The following FRMD4A variants were observed in gnomAD, a reference collection of about 807,000 sequenced individuals.
The protein encoded by FRMD4A is FERM domain-containing protein 4A.
A neutral mutation model predicts 129.1 loss-of-function variants in FRMD4A; 29 were observed. That is an observed-to-expected ratio of 0.22 (90% confidence interval 0.17 to 0.31). The LOEUF is 0.31. Ranked by LOEUF, FRMD4A falls within the 10% of genes least tolerant of loss-of-function variation. FRMD4A has a pLI of 1.00. For missense variants in FRMD4A, 1,272 were observed against 1,375.8 expected (o/e 0.92, Z 1.19); for synonymous variants, 634 against 571.6 (o/e 1.11, Z -1.56).
intron 12 of FRMD4A, among the ~76,000 whole-genome samples, chr10:13,733,140 T>C (rs2090423051): frequency 6.6e-6 from 1 of 152,246 alleles, no homozygotes; most frequent in South Asian, 2.1e-4. Flanking sequence ...TGTGTGCATC[T>C]TTTCAGATTC....
intron 2 of FRMD4A, among the ~76,000 whole-genome samples, chr10:14,226,939 C>T (rs1843458515): frequency 6.6e-6 from 1 of 152,118 alleles, no homozygotes; most frequent in African/African-American, 2.4e-5. Context: ...CTGACATTGC[C>T]CTTAAAGTAC....
intron 2 of FRMD4A, among the ~76,000 whole-genome samples, chr10:14,104,419 C>T (rs1048442811): frequency 1.1e-4 from 17 of 152,350 alleles, no homozygotes; most frequent in African/African-American, 3.4e-4. Flanking sequence ...TCAGTCTCTG[C>T]GCATATAATT....
At chr10:13,863,427 CA>C (rs34102644) in intron 2 of FRMD4A, among the ~76,000 whole-genome samples, 102,345 of 147,240 alleles carry the variant, frequency 0.7, 35,395 homozygotes, top group East Asian at 0.78. Flanking sequence ...ACTAAAAATA[CA>C]AAAAAAAAAA....
chr10:13,724,716 C>T, intron 12 of FRMD4A, among the ~76,000 whole-genome samples: 1 of 152,228 alleles, frequency 6.6e-6, no homozygotes, highest in East Asian at 1.9e-4. Flanking sequence ...TGTTTATTTG[C>T]ATGTTATAAA....
At chr10:14,272,916 G>A (rs1184619152) in intron 2 of FRMD4A, among the ~76,000 whole-genome samples, 1 of 152,082 alleles carries the variant, frequency 6.6e-6, no homozygotes, top group Non-Finnish European at 1.5e-5. Context: ...TCTTCCTATT[G>A]CCTTTTAAAA....
rs144891029 is a variant in FRMD4A, at chr10:14,107,751, C to T, written c.45+222307G>A. On this transcript the variant is annotated intron_variant, in intron 2 of 24. Transcript: ENST00000357447. ...ATATAATAATATATCCTGAAAATCA[C>T]TCTATGGTTGTACATAGAAGAGTTG... 2.3e-3 allele frequency among the ~76,000 whole-genome samples: 346 copies of T among 152,346 alleles called. 1 individual carries two copies. Among genetic ancestry groups the T allele is most frequent in the Middle Eastern group, 0.014 (4 of 294 alleles).
chr10:14,223,988 C>T (rs185110921), intron 2 of FRMD4A, among the ~76,000 whole-genome samples: 2 of 152,208 alleles, frequency 1.3e-5, no homozygotes, highest in East Asian at 1.9e-4. Flanking sequence ...TCATCTGCAT[C>T]GGGAGTTTGC....
intron 2 of FRMD4A, among the ~76,000 whole-genome samples, chr10:14,142,782 C>T (rs1411335397): frequency 6.6e-6 from 1 of 152,190 alleles, no homozygotes; most frequent in East Asian, 1.9e-4. Context: ...CTACATTTGG[C>T]TGCCTACATT....
chr10:13,676,097 T>A (rs1461374554), intron 15 of FRMD4A: 3 of 152,042 alleles, frequency 2.0e-5, no homozygotes, highest in African/African-American at 7.3e-5. Flanking sequence ...TGAAATGCCA[T>A]CTGGAGGAAT....
chr10:14,320,789 A>G (rs1426856717), intron 2 of FRMD4A, among the ~76,000 whole-genome samples: 1 of 152,194 alleles, frequency 6.6e-6, no homozygotes, highest in Non-Finnish European at 1.5e-5. Flanking sequence ...CAATACCTTC[A>G]TTACCAAATA....
At chr10:14,141,465 A>C (rs1839830247) in intron 2 of FRMD4A, among the ~76,000 whole-genome samples, 1 of 152,120 alleles carries the variant, frequency 6.6e-6, no homozygotes, top group South Asian at 2.1e-4. Context: ...GACATCATGC[A>C]ATGTCATGAG....
intron 2 of FRMD4A, among the ~76,000 whole-genome samples, chr10:14,250,338 G>A (rs1844393182): frequency 6.6e-6 from 1 of 152,180 alleles, no homozygotes; most frequent in Admixed American, 6.5e-5. Context: ...TGAGAATTTG[G>A]GAGCAAAGAA....
intron 2 of FRMD4A, among the ~76,000 whole-genome samples, chr10:14,019,738 C>G (rs189074026): frequency 7.1e-4 from 108 of 152,282 alleles, no homozygotes; most frequent in African/African-American, 2.5e-3. Context: ...GGGGCTGATG[C>G]CTTTGAGAAC....
intron 8 of FRMD4A, among the ~76,000 whole-genome samples, chr10:13,751,556 G>A (rs184775742): frequency 1.3e-5 from 2 of 152,332 alleles, no homozygotes; most frequent in Admixed American, 1.3e-4. Context: ...TACCCCCAGA[G>A]CTTGCAAGGC....
intron 2 of FRMD4A, among the ~76,000 whole-genome samples, chr10:14,178,896 T>G (rs527819123): frequency 6.6e-6 from 1 of 152,218 alleles, no homozygotes; most frequent in African/African-American, 2.4e-5. Flanking sequence ...ATTTCTACTT[T>G]GTGGTAGGTG....
At chr10:14,329,588 T>A (rs936907100) in intron 2 of FRMD4A, among the ~76,000 whole-genome samples, 4 of 152,080 alleles carry the variant, frequency 2.6e-5, no homozygotes, top group Admixed American at 2.6e-4. Context: ...GTGAACCTCC[T>A]CCACCACCTC....
chr10:14,316,573 T>C (rs561695804), intron 2 of FRMD4A, among the ~76,000 whole-genome samples: 1 of 149,906 alleles, frequency 6.7e-6, no homozygotes, highest in African/African-American at 2.5e-5. Context: ...AGTGCTTGAG[T>C]CTTTTTCCTG....
intron 2 of FRMD4A, among the ~76,000 whole-genome samples, chr10:14,103,745 G>A (rs574380087): frequency 3.9e-5 from 6 of 152,092 alleles, no homozygotes; most frequent in Non-Finnish European, 5.9e-5. Flanking sequence ...TCACTTGCCC[G>A]CCCTATGGCC....
intron 5 of FRMD4A, among the ~76,000 whole-genome samples, chr10:13,792,646 C>G (rs1210805115): frequency 6.6e-6 from 1 of 152,216 alleles, no homozygotes; most frequent in African/African-American, 2.4e-5. Flanking sequence ...TCAGCCTTAG[C>G]AATGGACAGG....
Sources: allele counts gnomAD v4.1 joint callset (sites outside exome capture counted in the v4.1 genomes callset), GRCh38; gene constraint gnomAD v4.1.1; transcripts MANE v1.5; gene names NCBI Gene and HGNC (gene_info 2026-07-23, HGNC 2026-07-21).